FGF12: variants seen among roughly 807,000 people sequenced by gnomAD.
FGF12 encodes the protein fibroblast growth factor 12B.
FGF12 carries 14 observed loss-of-function variants against 23.6 expected under a neutral mutation model. The observed-to-expected ratio is 0.59, with a 90% CI of 0.39 to 0.93. The LOEUF (loss-of-function observed/expected upper bound fraction) is 0.93. Among genes scored for constraint, FGF12 ranks in the 40% least tolerant of loss-of-function variants. The probability of loss-of-function intolerance (pLI) is 0.00; values close to 1 mark genes in which losing one functional copy is unlikely to be tolerated. For synonymous variants in FGF12, 62 were observed against 77.3 expected, an observed-to-expected ratio of 0.80 and a Z score of 1.04; for missense variants, 175 against 217.8, an observed-to-expected ratio of 0.80 and a Z score of 1.24.
chr3:192,352,879 T>G (rs1718288190), intron 3 of FGF12, among the ~76,000 whole-genome samples: 1 of 152,208 alleles, frequency 6.6e-6, no homozygotes, highest in Non-Finnish European at 1.5e-5. Flanking sequence ...TGTATTTAAC[T>G]CTCTAGATCT....
chr3:192,236,266 CT>C (rs1171968724), intron 4 of FGF12, among the ~76,000 whole-genome samples: 2 of 151,960 alleles, frequency 1.3e-5, no homozygotes, highest in African/African-American at 4.8e-5. Context: ...TAGAGAATTG[CT>C]ATATGGCCAA....
At chr3:192,376,976 C>T (rs371322848) in intron 2 of FGF12, among the ~76,000 whole-genome samples, 6 of 152,266 alleles carry the variant, frequency 3.9e-5, no homozygotes, top group African/African-American at 1.2e-4. Context: ...TAGTATTTCA[C>T]GGATTTCCCC....
intron 2 of FGF12, among the ~76,000 whole-genome samples, chr3:192,506,586 G>A (rs1259451747): frequency 6.6e-6 from 1 of 152,154 alleles, no homozygotes; most frequent in Non-Finnish European, 1.5e-5. Context: ...TGGCCAGGCT[G>A]GTCCTGAACT....
chr3:192,411,052 C>G (rs575065751), intron 2 of FGF12, among the ~76,000 whole-genome samples: 2 of 152,252 alleles, frequency 1.3e-5, no homozygotes, highest in East Asian at 3.9e-4. Flanking sequence ...CAAGCACAGA[C>G]AGGTGTATGT....
chr3:192,304,458 T>G (rs1715512124), intron 4 of FGF12, among the ~76,000 whole-genome samples: 1 of 152,184 alleles, frequency 6.6e-6, no homozygotes, highest in Admixed American at 6.6e-5. Context: ...CTCACAGGTC[T>G]GTCTAAACAG....
intron 4 of FGF12, among the ~76,000 whole-genome samples, chr3:192,182,654 A>G (rs1021550993): frequency 6.6e-5 from 10 of 152,198 alleles, no homozygotes. Context: ...ACTGGACCTC[A>G]GTACAAGGGA....
intron 5 of FGF12, among the ~76,000 whole-genome samples, chr3:192,164,782 C>T (rs75062527): frequency 2.0e-5 from 3 of 152,050 alleles, no homozygotes; most frequent in African/African-American, 7.2e-5. Flanking sequence ...TACAAAGATG[C>T]CTTTAAACAT....
At chr3:192,640,795 T>TTTTTTTTG (rs1553842600) in intron 2 of FGF12, among the ~76,000 whole-genome samples, 7 of 150,134 alleles carry the variant, frequency 4.7e-5, no homozygotes, top group Admixed American at 2.0e-4. Context: ...AACCCCTTTT[T>TTTTTTTTG]TTTGTTTGTT....
At chr3:192,154,859 G>A (rs1410469885) in intron 5 of FGF12, among the ~76,000 whole-genome samples, 2 of 143,314 alleles carry the variant, frequency 1.4e-5, no homozygotes, top group African/African-American at 5.2e-5. Context: ...GAGCTTCCCG[G>A]CTGCTTTGTT....
chr3:192,193,391 G>T (rs971739190), intron 4 of FGF12, among the ~76,000 whole-genome samples: 4 of 152,120 alleles, frequency 2.6e-5, no homozygotes, highest in Non-Finnish European at 5.9e-5. Flanking sequence ...ACACTGGACT[G>T]CACAGAATAC....
At chr3:192,576,199 G>A (rs554195193) in intron 2 of FGF12, among the ~76,000 whole-genome samples, 2 of 152,096 alleles carry the variant, frequency 1.3e-5, no homozygotes, top group Admixed American at 1.3e-4. Flanking sequence ...TTGCCTTTGG[G>A]TTAGAAAAGT....
At position 192,707,012 on chromosome 3, in the gene FGF12, T is replaced by C. The variant is rs558159985; in HGVS notation, c.13+20169A>G. 1.1e-4 allele frequency among the ~76,000 whole-genome samples: 17 copies of C among 152,194 alleles called. No individual in the cohort carries two copies. In the South Asian group the frequency reaches 2.5e-3, roughly 22 times the overall value. ...GAAAAGGACAAGACAGTCACAGAAA[T>C]GAATGTCCAGAAAATGGATTCACAC... On this transcript the variant is annotated intron_variant, in intron 2 of 5. Transcript: ENST00000445105.
intron 4 of FGF12, among the ~76,000 whole-genome samples, chr3:192,297,151 A>T (rs1223964764): frequency 6.6e-6 from 1 of 152,214 alleles, no homozygotes; most frequent in Admixed American, 6.5e-5. Flanking sequence ...TGCTCAAAAA[A>T]ATAATAATAA....
intron 2 of FGF12, among the ~76,000 whole-genome samples, chr3:192,422,057 A>AT (rs200686070): frequency 3.5e-4 from 53 of 150,024 alleles, no homozygotes; most frequent in African/African-American, 1.1e-3. Flanking sequence ...GGCTTTTGGT[A>AT]TTTTTTTTTC....
chr3:192,235,013 G>A (rs192225296), intron 4 of FGF12, among the ~76,000 whole-genome samples: 11 of 151,956 alleles, frequency 7.2e-5, no homozygotes, highest in Admixed American at 3.9e-4. Flanking sequence ...TTTTTCCCTC[G>A]TGTCTCTGCC....
chr3:192,571,201 T>C (rs977251259), intron 2 of FGF12, among the ~76,000 whole-genome samples: 49 of 152,352 alleles, frequency 3.2e-4, no homozygotes, highest in African/African-American at 1.1e-3. Context: ...CCTTTTCTCC[T>C]GGAAAGGCAA....
Position 192,360,764 on chromosome 3 carries a change from G to A in FGF12, c.14-226C>T. On this transcript the variant is annotated intron_variant, in intron 2 of 5. Coordinates refer to ENST00000445105, the MANE Select transcript of FGF12 (RefSeq NM_004113.6). The surrounding 1 kb of genome is among the most constrained non-coding windows in gnomAD (Gnocchi z 4.3). ...GTAAACTAAATGCAAATAAATAAAA[G>A]CTAATTATGATTGGGAAAATACAGA... is the stretch of plus-strand genomic sequence containing the variant. 1 of 530,712 alleles carries A rather than the reference G, an allele frequency of 1.9e-6. No homozygotes were observed. The highest frequency in any genetic ancestry group is 3.4e-6 in the Non-Finnish European group (1 of 295,444). The allele number at this position is 530,712 out of a possible 1,614,324, so 32.9% of individuals were successfully genotyped here.
intron 2 of FGF12, among the ~76,000 whole-genome samples, chr3:192,703,195 T>C (rs1718357169): frequency 6.6e-6 from 1 of 152,188 alleles, no homozygotes; most frequent in Non-Finnish European, 1.5e-5. Flanking sequence ...GTGGGTTGGG[T>C]TCCGGACAAC....
At chr3:192,247,137 A>C (rs1472777279) in intron 4 of FGF12, among the ~76,000 whole-genome samples, 2 of 151,832 alleles carry the variant, frequency 1.3e-5, no homozygotes, top group Admixed American at 6.6e-5. Context: ...ACAAAACAGA[A>C]TGTTGAGGAA....
Sources: allele counts gnomAD v4.1 joint callset (sites outside exome capture counted in the v4.1 genomes callset), GRCh38; gene constraint gnomAD v4.1.1; non-coding constraint Gnocchi (gnomAD v3.1); transcripts MANE v1.5; gene names NCBI Gene and HGNC (gene_info 2026-07-23, HGNC 2026-07-21).